The following PALM2AKAP2 variants were observed in gnomAD, a reference collection of about 807,000 sequenced individuals.
The protein encoded by PALM2AKAP2 is PALM2-AKAP2 fusion protein.
Under a neutral mutation model 71.5 loss-of-function variants are expected in PALM2AKAP2, and 37 were observed. The ratio of observed to expected loss-of-function variants is 0.52; its 90% CI spans 0.40 to 0.68. The LOEUF (loss-of-function observed/expected upper bound fraction) is 0.68, where lower values mean the gene tolerates loss of function less well. PALM2AKAP2 is among the 30% of genes least tolerant of loss of function. The pLI, the probability that PALM2AKAP2 is intolerant of heterozygous loss-of-function variation, is 0.00. For missense variants in PALM2AKAP2, 1,224 were observed against 1,191.8 expected, an observed-to-expected ratio of 1.03 and a Z score of -0.40; for synonymous variants, 468 against 478.8, an observed-to-expected ratio of 0.98 and a Z score of 0.29.
At chr9:109,840,247 C>G (rs1828617634) in intron 1 of PALM2AKAP2, among the ~76,000 whole-genome samples, 1 of 152,016 alleles carries the variant, frequency 6.6e-6, no homozygotes, top group Non-Finnish European at 1.5e-5. Context: ...ACAAACCTGA[C>G]AAAAACAAGA....
intron 7 of PALM2AKAP2, among the ~76,000 whole-genome samples, chr9:110,021,297 A>G (rs1002552169): frequency 1.4e-4 from 21 of 152,214 alleles, no homozygotes; most frequent in African/African-American, 5.1e-4. Context: ...ACCAGTAGCT[A>G]GAAGAGGCAA....
chr9:109,827,141 T>C (rs1484927874), intron 1 of PALM2AKAP2, among the ~76,000 whole-genome samples: 1 of 152,178 alleles, frequency 6.6e-6, no homozygotes, highest in Non-Finnish European at 1.5e-5. Flanking sequence ...TGCTATTCGG[T>C]GACAAAGCTC....
chr9:109,852,623 G>T (rs1183653415), intron 1 of PALM2AKAP2, among the ~76,000 whole-genome samples: 1 of 152,026 alleles, frequency 6.6e-6, no homozygotes, highest in East Asian at 1.9e-4. Flanking sequence ...CTTTCCACAG[G>T]GCCTGAACTA....
chr9:110,157,389 T>C (rs536831046), intron 3 of PALM2AKAP2, among the ~76,000 whole-genome samples: 1 of 121,560 alleles, frequency 8.2e-6, no homozygotes, highest in Non-Finnish European at 1.7e-5. Flanking sequence ...CCTTCAACTC[T>C]TTTGTTGTTG....
At chr9:109,747,148 A>G (rs2118701159) in intron 1 of PALM2AKAP2, among the ~76,000 whole-genome samples, 1 of 152,324 alleles carries the variant, frequency 6.6e-6, no homozygotes, top group East Asian at 1.9e-4. Flanking sequence ...TATATTGTGT[A>G]TAATATCTGT....
intron 1 of PALM2AKAP2, among the ~76,000 whole-genome samples, chr9:110,113,583 G>A (rs2118956350): frequency 6.6e-6 from 1 of 151,704 alleles, no homozygotes; most frequent in Admixed American, 6.6e-5. Flanking sequence ...GAGTGTAGTG[G>A]CACAATCTCG....
intron 1 of PALM2AKAP2, among the ~76,000 whole-genome samples, chr9:110,086,341 G>A (rs1440524203): frequency 6.6e-6 from 1 of 152,174 alleles, no homozygotes; most frequent in African/African-American, 2.4e-5. Context: ...TCTGAGAGAT[G>A]TGCTTAATAC....
intron 6 of PALM2AKAP2, among the ~76,000 whole-genome samples, chr9:109,957,380 T>C (rs1364778282): frequency 2.0e-5 from 3 of 152,194 alleles, no homozygotes; most frequent in Non-Finnish European, 2.9e-5. Flanking sequence ...TTGTTCTGCC[T>C]CCTGGGCGTT....
intron 1 of PALM2AKAP2, among the ~76,000 whole-genome samples, chr9:109,683,486 A>C (rs1345163961): frequency 6.6e-6 from 1 of 152,214 alleles, no homozygotes. Flanking sequence ...GAGAGAAGGC[A>C]GGAATAGATT....
intron 1 of PALM2AKAP2, among the ~76,000 whole-genome samples, chr9:109,697,446 TTTTTC>T (rs879796881): frequency 6.6e-6 from 1 of 152,192 alleles, no homozygotes; most frequent in Non-Finnish European, 1.5e-5. Context: ...CACTATATAC[TTTTTC>T]TACCTTTTAA....
At chr9:109,673,224 A>G (rs1827601792) in intron 1 of PALM2AKAP2, among the ~76,000 whole-genome samples, 1 of 151,828 alleles carries the variant, frequency 6.6e-6, no homozygotes, top group African/African-American at 2.4e-5. Context: ...GATCTCTCTA[A>G]ATTTTTGATG....
At chr9:110,006,324 CTCTTTCTTTCTTTCTT>C (rs201648047) in intron 6 of PALM2AKAP2, among the ~76,000 whole-genome samples, 3,391 of 102,208 alleles carry the variant, frequency 0.033, 56 homozygotes, top group South Asian at 0.074. Flanking sequence ...TTCCTTCCTT[CTCTTTCTTTCTTTCTT>C]TCTTTCTTTC....
intron 1 of PALM2AKAP2, among the ~76,000 whole-genome samples, chr9:110,063,108 T>C: frequency 6.6e-6 from 1 of 152,240 alleles, no homozygotes; most frequent in East Asian, 1.9e-4. Context: ...TCTGCCCCTT[T>C]TGTTTATGTG....
intron 1 of PALM2AKAP2, among the ~76,000 whole-genome samples, chr9:109,782,803 T>G (rs1157192015): frequency 6.6e-6 from 1 of 150,712 alleles, no homozygotes; most frequent in Non-Finnish European, 1.5e-5. Flanking sequence ...AGAGAGCCAA[T>G]TAAGAGACAG....
chr9:109,682,539 G>A, intron 1 of PALM2AKAP2, among the ~76,000 whole-genome samples: 1 of 152,200 alleles, frequency 6.6e-6, no homozygotes, highest in East Asian at 1.9e-4. Flanking sequence ...GAGGCCCAGA[G>A]AGAAAGGACT....
At chr9:110,099,565 C>A (rs1219887784) in intron 1 of PALM2AKAP2, among the ~76,000 whole-genome samples, 4 of 152,204 alleles carry the variant, frequency 2.6e-5, no homozygotes, top group African/African-American at 9.6e-5. Context: ...GCAGCCCAGA[C>A]AGCACAGGCT....
chr9:109,938,397 T>G (rs574211742), intron 6 of PALM2AKAP2, among the ~76,000 whole-genome samples: 2 of 152,156 alleles, frequency 1.3e-5, no homozygotes, highest in Non-Finnish European at 2.9e-5. Context: ...CAGAAAGGAA[T>G]GTAGAATCAC....
In PALM2AKAP2 at chr9:109,691,702, G is replaced by A. The variant is rs1203438005; in HGVS notation, c.5+50836G>A. On this transcript the variant is annotated intron_variant, in intron 1 of 6. Transcript: ENST00000374531. ...CTCACAAGACTCTTCGATGTTGGAA[G>A]TAACCTCTCATATTATGGTAAGCCT... 5.3e-5 allele frequency among the ~76,000 whole-genome samples: 8 copies of A among 150,760 alleles called. No individual in the cohort carries two copies. In the East Asian group the frequency reaches 1.6e-3, roughly 29 times the overall value.
chr9:110,064,162 T>C (rs1351135845), intron 1 of PALM2AKAP2, among the ~76,000 whole-genome samples: 2 of 152,156 alleles, frequency 1.3e-5, no homozygotes, highest in Admixed American at 6.6e-5. Context: ...TCTTATCTCC[T>C]TGATATGAGA....
Sources: allele counts gnomAD v4.1 joint callset (sites outside exome capture counted in the v4.1 genomes callset), GRCh38; gene constraint gnomAD v4.1.1; transcripts MANE v1.5; gene names NCBI Gene and HGNC (gene_info 2026-07-23, HGNC 2026-07-21).